PCSK5: variants seen among roughly 807,000 people sequenced by gnomAD.
PCSK5 encodes the protein prohormone convertase 5.
In PCSK5, 129 loss-of-function variants were observed where a neutral mutation model predicts 233.2. The ratio of observed to expected loss-of-function variants is 0.55; its 90% confidence interval spans 0.48 to 0.64. The LOEUF (loss-of-function observed/expected upper bound fraction) is 0.64. Ranked by LOEUF, PCSK5 falls within the 30% of genes least tolerant of loss-of-function variation. The pLI, the probability that PCSK5 is intolerant of heterozygous loss-of-function variation, is 0.00. For synonymous variants in PCSK5, 825 were observed against 879.2 expected, an observed-to-expected ratio of 0.94 and a Z score of 1.09; for missense variants, 2,076 against 2,430.1, an observed-to-expected ratio of 0.85 and a Z score of 3.06.
At chr9:75,964,677 A>G (rs1162667158) in intron 2 of PCSK5, among the ~76,000 whole-genome samples, 3 of 152,218 alleles carry the variant, frequency 2.0e-5, no homozygotes, top group South Asian at 2.1e-4. Context: ...ATGAATGCCA[A>G]TGTATGACTA....
intron 24 of PCSK5, among the ~76,000 whole-genome samples, chr9:76,248,642 A>G (rs1826695516): frequency 6.6e-6 from 1 of 152,252 alleles, no homozygotes; most frequent in African/African-American, 2.4e-5. Flanking sequence ...TACAATTAAT[A>G]GTTAATTACA....
intron 20 of PCSK5, chr9:76,194,791 G>A (rs750718529): frequency 2.2e-6 from 1 of 464,198 alleles, no homozygotes; most frequent in Non-Finnish European, 4.5e-6. Context: ...TCATATCAAA[G>A]CTTCATTGGT....
chr9:75,914,858 A>C (rs1223587878), intron 1 of PCSK5, among the ~76,000 whole-genome samples: 2 of 152,252 alleles, frequency 1.3e-5, no homozygotes, highest in East Asian at 3.9e-4. Flanking sequence ...CAAATAATTC[A>C]GTTTTAGAGG....
At chr9:75,994,766 A>C (rs1826940445) in intron 3 of PCSK5, among the ~76,000 whole-genome samples, 1 of 152,094 alleles carries the variant, frequency 6.6e-6, no homozygotes, top group Non-Finnish European at 1.5e-5. Context: ...TCTGTTCTTC[A>C]TACAGCAGCC....
At chr9:76,205,677 G>A (rs915913774) in intron 20 of PCSK5, among the ~76,000 whole-genome samples, 1 of 152,174 alleles carries the variant, frequency 6.6e-6, no homozygotes, top group Non-Finnish European at 1.5e-5. Context: ...GGTTGTCAAC[G>A]AGACAACATC....
intron 1 of PCSK5, among the ~76,000 whole-genome samples, chr9:75,900,180 G>T (rs972576567): frequency 6.6e-6 from 1 of 152,136 alleles, no homozygotes; most frequent in African/African-American, 2.4e-5. Context: ...AATTAAAAGG[G>T]TTTGAAACCT....
chr9:76,282,052 A>ATTT (rs1335765827), intron 24 of PCSK5, among the ~76,000 whole-genome samples: 1 of 84,752 alleles, frequency 1.2e-5, no homozygotes, highest in Non-Finnish European at 2.4e-5. Flanking sequence ...AGGATGCACC[A>ATTT]TTTTTTTCTT....
At chr9:76,296,104 G>A (rs959598622) in intron 26 of PCSK5, among the ~76,000 whole-genome samples, 1 of 152,042 alleles carries the variant, frequency 6.6e-6, no homozygotes, top group Non-Finnish European at 1.5e-5. Flanking sequence ...TTTTTAGATG[G>A]AGTCTCACTC....
At chr9:76,352,258 C>T (rs756944602) in intron 36 of PCSK5, among the ~76,000 whole-genome samples, 7 of 152,124 alleles carry the variant, frequency 4.6e-5, no homozygotes, top group African/African-American at 9.7e-5. Context: ...TAAACTGCCA[C>T]GGCGCTGGTG....
At chr9:76,237,278 T>C (rs1826280175) in intron 22 of PCSK5, among the ~76,000 whole-genome samples, 1 of 152,166 alleles carries the variant, frequency 6.6e-6, no homozygotes, top group African/African-American at 2.4e-5. Context: ...CATTAGTCCT[T>C]CCAAACCCTC....
At chr9:76,025,954 A>T (rs1238743729) in intron 4 of PCSK5, among the ~76,000 whole-genome samples, 1 of 152,070 alleles carries the variant, frequency 6.6e-6, no homozygotes, top group Non-Finnish European at 1.5e-5. Context: ...TAAAAAAAAA[A>T]TAACTGGGTG....
chr9:76,189,557 ATGAGGTTG>A (rs1824265735), intron 19 of PCSK5, 66 bp from the exon 20 acceptor site: 2 of 875,288 alleles, frequency 2.3e-6, no homozygotes, highest in African/African-American at 3.3e-5. Flanking sequence ...GTAAGACATT[ATGAGGTTG>A]CTAGTAAACA....
At chr9:76,218,701 G>A (rs938633791) in intron 20 of PCSK5, among the ~76,000 whole-genome samples, 1 of 152,088 alleles carries the variant, frequency 6.6e-6, no homozygotes, top group African/African-American at 2.4e-5. Flanking sequence ...TACAGAAGAG[G>A]AATGTCCGGG....
chr9:75,914,822 G>A (rs916589443), intron 1 of PCSK5, among the ~76,000 whole-genome samples: 15 of 152,162 alleles, frequency 9.9e-5, no homozygotes, highest in African/African-American at 3.1e-4. Context: ...AAGGGAGTTA[G>A]CATGTGTAGG....
intron 7 of PCSK5, among the ~76,000 whole-genome samples, chr9:76,079,325 G>T (rs1185274555): frequency 6.6e-6 from 1 of 151,616 alleles, no homozygotes; most frequent in South Asian, 2.1e-4. Context: ...AAAATTAGCT[G>T]GGCATGTTTC....
At position 76,179,604 on chromosome 9, in the gene PCSK5, G is replaced by T; in HGVS notation, c.1909G>T (p.Asp637Tyr). ...TAATGTCTTTTGGAAAGGTCCCTGCGACCCTGAGTGCAGTGAGGTTGGCTG... is the reference window on the plus strand; with the variant it reads ...TAATGTCTTTTGGAAAGGTCCCTGCTACCCTGAGTGCAGTGAGGTTGGCTG... The part of the protein sequence containing the change: ...YGTEDYAGPC[D>Y]PECSEVGCDG... The change falls in exon 15 of 38, where the codon GAC (aspartate) becomes TAC (tyrosine). Residue 637 changes from aspartate to tyrosine, a missense_variant. Coordinates refer to ENST00000674117, the MANE Select transcript of PCSK5 (RefSeq NM_001372043.1). 6.2e-7 allele frequency: 1 copy of T among 1,612,888 alleles called. No individual in the cohort carries two copies. Among genetic ancestry groups the T allele is most frequent in the Non-Finnish European group, 8.5e-7 (1 of 1,179,074 alleles).
chr9:76,296,780 C>T lies in PCSK5; in HGVS notation c.3438C>T (p.Cys1146=), dbSNP rs1363511676. The T allele has an allele frequency of 6.2e-7, 1 of 1,611,628 alleles. No individual in the cohort carries two copies. The highest frequency in any genetic ancestry group is 1.3e-5 in the African/African-American group (1 of 74,862). ...GCACAGGCCCTGGTCATGACGAGTG[C>T]AGCAGCTGCCAGGAAGGACTGCAGC... ...ETCTGPGHDE[C]SSCQEGLQLL... The change falls in exon 27 of 38, where the codon TGC becomes TGT. Residue 1146 remains cysteine, a synonymous_variant. Transcript: ENST00000674117.
At chr9:76,162,784 T>C (rs934536145) in intron 12 of PCSK5, among the ~76,000 whole-genome samples, 4 of 152,202 alleles carry the variant, frequency 2.6e-5, no homozygotes, top group South Asian at 2.1e-4. Context: ...TGGCAGACTT[T>C]TCCTCATTTT....
chr9:76,093,578 T>TACAC (rs199726246), intron 7 of PCSK5, among the ~76,000 whole-genome samples: 7 of 145,690 alleles, frequency 4.8e-5, no homozygotes, highest in African/African-American at 1.9e-4. Context: ...TATATATATA[T>TACAC]ATATACACAC....
Sources: allele counts gnomAD v4.1 joint callset (sites outside exome capture counted in the v4.1 genomes callset), GRCh38; gene constraint gnomAD v4.1.1; transcripts MANE v1.5; gene names NCBI Gene and HGNC (gene_info 2026-07-23, HGNC 2026-07-21).